Variants in SLC35F4 observed in about 807,000 individuals in gnomAD.
SLC35F4 encodes the protein chromosome 14 open reading frame 36.
A neutral mutation model predicts 44.2 loss-of-function variants in SLC35F4; 24 were observed. The ratio of observed to expected loss-of-function variants is 0.54; its 90% CI spans 0.39 to 0.76. The LOEUF is 0.76. SLC35F4 is among the 30% of genes least tolerant of loss of function. The pLI, the probability that SLC35F4 is intolerant of heterozygous loss-of-function variation, is 0.00. For synonymous variants in SLC35F4, 238 were observed against 223.6 expected (o/e 1.06, Z -0.57); for missense variants, 562 against 586.1 (o/e 0.96, Z 0.42).
intron 1 of SLC35F4, among the ~76,000 whole-genome samples, chr14:57,771,616 C>G (rs913372961): frequency 3.2e-4 from 49 of 152,246 alleles, no homozygotes; most frequent in East Asian, 9.6e-4. Context: ...TTATTTGAGA[C>G]AGTGTCTCGC....
chr14:57,953,675 C>T (rs946722074), intron 1 of SLC35F4, among the ~76,000 whole-genome samples: 1 of 152,070 alleles, frequency 6.6e-6, no homozygotes, highest in Non-Finnish European at 1.5e-5. Context: ...TCCAAAAAGA[C>T]AAAAAGGACA....
intron 1 of SLC35F4, among the ~76,000 whole-genome samples, chr14:57,820,074 AAAAT>A (rs1195973958): frequency 1.3e-5 from 2 of 152,220 alleles, no homozygotes; most frequent in Admixed American, 1.3e-4. Flanking sequence ...CTTTGTGGAA[AAAAT>A]AATAAATTTG....
At chr14:57,795,851 G>C (rs2078042372) in intron 1 of SLC35F4, among the ~76,000 whole-genome samples, 1 of 151,852 alleles carries the variant, frequency 6.6e-6, no homozygotes, top group African/African-American at 2.4e-5. Flanking sequence ...TGTTACATGG[G>C]CAAATTGCAT....
chr14:57,898,757 T>C (rs886773272), intron 1 of SLC35F4, among the ~76,000 whole-genome samples: 1 of 152,204 alleles, frequency 6.6e-6, no homozygotes, highest in Non-Finnish European at 1.5e-5. Flanking sequence ...GAAATAAATA[T>C]CCAGTTTTTT....
intron 1 of SLC35F4, among the ~76,000 whole-genome samples, chr14:57,915,452 T>A (rs1030598330): frequency 6.6e-5 from 10 of 152,202 alleles, no homozygotes; most frequent in Non-Finnish European, 1.2e-4. Context: ...TCCCAAATAT[T>A]TCCATTCTGC....
intron 1 of SLC35F4, among the ~76,000 whole-genome samples, chr14:57,631,342 C>T (rs1421384779): frequency 2.0e-5 from 3 of 151,980 alleles, no homozygotes; most frequent in African/African-American, 7.2e-5. Context: ...GAAAACATCA[C>T]AAAAACTCAC....
rs117158784 is a variant in SLC35F4 at position 57,980,259 on chromosome 14, C to T, written n.151+1654G>A. On this transcript the variant is annotated intron_variant and non_coding_transcript_variant, in intron 1 of 1. Coordinates refer to the SLC35F4 transcript ENST00000554648. ...ATTTTTCTGAAGGTCTCTTAAGGAC[C>T]TTGAGACTAAGGTACTTGGAATTTT... 3.8e-3 allele frequency among the ~76,000 whole-genome samples: 577 copies of T among 152,222 alleles called. 1 individual carries two copies. Among genetic ancestry groups the T allele is most frequent in the Non-Finnish European group, 6.7e-3 (453 of 68,012 alleles).
chr14:57,711,935 G>A (rs1378084194), intron 1 of SLC35F4, among the ~76,000 whole-genome samples: 1 of 152,152 alleles, frequency 6.6e-6, no homozygotes, highest in East Asian at 1.9e-4. Context: ...GCCAGGAAAA[G>A]CAGGCAAGAA....
chr14:57,625,209 A>G (rs1479963028), intron 1 of SLC35F4, among the ~76,000 whole-genome samples: 1 of 152,206 alleles, frequency 6.6e-6, no homozygotes, highest in Non-Finnish European at 1.5e-5. Flanking sequence ...CAATTGCTAC[A>G]AAGAGAATAA....
At chr14:57,790,229 T>C (rs1398715324) in intron 1 of SLC35F4, among the ~76,000 whole-genome samples, 3 of 152,176 alleles carry the variant, frequency 2.0e-5, no homozygotes, top group Non-Finnish European at 4.4e-5. Flanking sequence ...GACATGATAG[T>C]ATATTTAGAA....
In SLC35F4 at chr14:57,937,064, C is replaced by CTT. The variant is rs11458039; in HGVS notation, n.282+44847_282+44848dup. On this transcript the variant is annotated intron_variant and non_coding_transcript_variant, in intron 1 of 1. Transcript: ENST00000556568. ...AGGAAATTAATAAATATTTTACCTG[C>CTT]TTTTTTTTTTTTTTCTTTTTGAGAT... Among the ~76,000 whole-genome samples, 485 of 143,994 alleles carry CTT rather than the reference C, an allele frequency of 3.4e-3. 1 individual carries two copies. Among genetic ancestry groups the CTT allele is most frequent in the Admixed American group, 3.3e-3 (47 of 14,426 alleles). 94.5% of individuals were successfully genotyped at this position (143,994 alleles called of 152,430 possible).
At chr14:57,637,065 T>C (rs1203073101) in intron 1 of SLC35F4, among the ~76,000 whole-genome samples, 3 of 152,122 alleles carry the variant, frequency 2.0e-5, no homozygotes, top group African/African-American at 7.2e-5. Context: ...GTTTTTAGTT[T>C]ATACAAAGAA....
At chr14:57,940,368 T>C (rs1889894894) in intron 1 of SLC35F4, among the ~76,000 whole-genome samples, 1 of 152,160 alleles carries the variant, frequency 6.6e-6, no homozygotes, top group Non-Finnish European at 1.5e-5. Flanking sequence ...TTAAAAACAA[T>C]CCTAAAAAAT....
At chr14:57,602,746 G>T (rs2070905593) in intron 1 of SLC35F4, among the ~76,000 whole-genome samples, 1 of 152,088 alleles carries the variant, frequency 6.6e-6, no homozygotes, top group Non-Finnish European at 1.5e-5. Context: ...ACCTGTTCTG[G>T]ATTCATATAC....
intron 3 of SLC35F4, among the ~76,000 whole-genome samples, chr14:57,588,504 G>A (rs1488753975): frequency 6.6e-6 from 1 of 152,190 alleles, no homozygotes; most frequent in African/African-American, 2.4e-5. Context: ...GCAGGGCTGT[G>A]TGACATCAGC....
intron 1 of SLC35F4, among the ~76,000 whole-genome samples, chr14:57,723,233 A>C (rs1335612535): frequency 8.0e-6 from 1 of 124,728 alleles, no homozygotes; most frequent in Non-Finnish European, 1.8e-5. Flanking sequence ...GCCAGAATGC[A>C]TAATTGGCAT....
At chr14:57,649,792 C>G (rs2073705178) in intron 1 of SLC35F4, among the ~76,000 whole-genome samples, 1 of 27,986 alleles carries the variant, frequency 3.6e-5, no homozygotes, top group Non-Finnish European at 2.4e-4. Context: ...AGCAAATCAC[C>G]AAATCCCCCA....
intron 1 of SLC35F4, among the ~76,000 whole-genome samples, chr14:57,621,702 A>C (rs1179519627): frequency 1.3e-5 from 2 of 152,040 alleles, no homozygotes; most frequent in Admixed American, 1.3e-4. Flanking sequence ...TAGACCTAAA[A>C]CCATAAAAAC....
intron 1 of SLC35F4, among the ~76,000 whole-genome samples, chr14:57,916,479 C>G (rs867532540): frequency 8.5e-5 from 13 of 152,116 alleles, no homozygotes; most frequent in African/African-American, 3.1e-4. Context: ...TCTATCCTGC[C>G]TGGTGTTCTC....
Sources: allele counts gnomAD v4.1 joint callset (sites outside exome capture counted in the v4.1 genomes callset), GRCh38; gene constraint gnomAD v4.1.1; transcripts MANE v1.5; gene names NCBI Gene and HGNC (gene_info 2026-07-23, HGNC 2026-07-21).